The following VMA12 variants were observed in gnomAD, a reference collection of about 807,000 sequenced individuals.
VMA12 encodes the protein vacuolar ATPase assembly protein VMA12.
At chr17:28,359,509 A>G in the VMA12 span, 1,728 of 1,081,138 alleles carry the variant, frequency 1.6e-3, 29 homozygotes, top group African/African-American at 0.025. Context: ...CTTGGTTTCT[A>G]TACTGTTCAG....
chr17:28,361,069 G>A, the VMA12 span: 1 of 1,299,688 alleles, frequency 7.7e-7, no homozygotes, highest in Admixed American at 1.8e-5. Flanking sequence ...GAGGGTGGTT[G>A]GGGGGCTCTC....
the VMA12 span, chr17:28,357,665 C>G: frequency 1.2e-6 from 2 of 1,611,514 alleles, no homozygotes; most frequent in South Asian, 1.1e-5. Context: ...GGAGAGCCGG[C>G]TAGATATGGC....
the VMA12 span, chr17:28,358,369 C>T: frequency 4.2e-6 from 2 of 472,092 alleles, no homozygotes; most frequent in South Asian, 3.1e-5. Flanking sequence ...GAGTTCCAGT[C>T]CTAGCTCTGT....
chr17:28,357,683 T>G, the VMA12 span: 1 of 1,612,596 alleles, frequency 6.2e-7, no homozygotes, highest in Non-Finnish European at 8.5e-7. Flanking sequence ...GGCGTCCTCT[T>G]TGCTTGCGGG....
chr17:28,362,337 A>G, the VMA12 span: 1 of 152,212 alleles, frequency 6.6e-6, no homozygotes, highest in South Asian at 2.1e-4. Flanking sequence ...CAGTGTTTCC[A>G]GTAACCTGAG....
chr17:28,361,167 C>T, the VMA12 span: 8 of 1,613,990 alleles, frequency 5.0e-6, no homozygotes, highest in African/African-American at 1.1e-4. Flanking sequence ...CGGGTGCTAG[C>T]TGCATTGATC....
the VMA12 span, chr17:28,360,964 A>G: frequency 1.0e-6 from 1 of 969,644 alleles, no homozygotes; most frequent in African/African-American, 1.6e-5. Flanking sequence ...TATGCCATTA[A>G]TAAGGGGAGC....
At chr17:28,360,497 A>G in the VMA12 span, 3 of 1,611,524 alleles carry the variant, frequency 1.9e-6, no homozygotes, top group South Asian at 2.2e-5. Context: ...AGCTGCTTCT[A>G]TTCTGAATCA....
the VMA12 span, chr17:28,359,539 T>A: frequency 1.4e-6 from 1 of 723,396 alleles, no homozygotes; most frequent in Non-Finnish European, 2.2e-6. Flanking sequence ...GAAGTCTGCA[T>A]ACAAACAACA....
the VMA12 span, chr17:28,357,728 G>T: frequency 1.2e-6 from 2 of 1,613,416 alleles, no homozygotes; most frequent in Non-Finnish European, 1.7e-6. Flanking sequence ...CCCCGGCGGG[G>T]AGCTGGAGCC....
the VMA12 span, chr17:28,358,919 C>T: frequency 4.4e-6 from 7 of 1,608,230 alleles, no homozygotes; most frequent in African/African-American, 1.3e-5. Context: ...TTCTCAGATT[C>T]CAAACTATAC....
chr17:28,360,903 G>A, the VMA12 span: 33 of 1,459,460 alleles, frequency 2.3e-5, no homozygotes, highest in Non-Finnish European at 3.0e-5. Flanking sequence ...AGTGGGTAAG[G>A]GAGGACGTAT....
chr17:28,361,040 C>T, the VMA12 span: 2 of 1,058,630 alleles, frequency 1.9e-6, no homozygotes, highest in Admixed American at 2.1e-5. Flanking sequence ...ATTCTCTTTT[C>T]TTCCCCTCCC....
At chr17:28,358,988 G>T in the VMA12 span, 1 of 1,610,216 alleles carries the variant, frequency 6.2e-7, no homozygotes, top group African/African-American at 1.3e-5. Context: ...AAGCCTCCAC[G>T]GGTATGTAAG....
the VMA12 span, chr17:28,359,084 A>C: frequency 7.8e-7 from 1 of 1,279,082 alleles, no homozygotes; most frequent in Non-Finnish European, 1.1e-6. Flanking sequence ...GGCTTGAAAA[A>C]TTGTTTTTGA....
the VMA12 span, chr17:28,358,006 T>A: frequency 4.4e-5 from 45 of 1,018,898 alleles, no homozygotes; most frequent in Non-Finnish European, 5.8e-5. Context: ...AGTCACTCCA[T>A]AAATCCCAGG....
chr17:28,360,757 C>G, the VMA12 span: 1 of 1,613,924 alleles, frequency 6.2e-7, no homozygotes, highest in Admixed American at 1.7e-5. Context: ...AGGCTCTGGT[C>G]ATCACCATCT....
the VMA12 span, chr17:28,361,143 C>T: frequency 6.2e-7 from 1 of 1,613,546 alleles, no homozygotes; most frequent in Non-Finnish European, 8.5e-7. Context: ...AAGCCTGGTT[C>T]TCCCCATCTC....
the VMA12 span, chr17:28,361,285 T>A: frequency 1.2e-6 from 2 of 1,607,784 alleles, no homozygotes; most frequent in Non-Finnish European, 1.7e-6. Flanking sequence ...AGAGAAGACT[T>A]TGGGGGCTTC....
Sources: allele counts gnomAD v4.1 joint callset, GRCh38; gene constraint gnomAD v4.1.1; transcripts MANE v1.5; gene names NCBI Gene and HGNC (gene_info 2026-07-23, HGNC 2026-07-21).